Variants in DPP10 observed in about 807,000 individuals in gnomAD.
The protein encoded by DPP10 is inactive dipeptidyl peptidase 10.
DPP10 carries 33 observed loss-of-function variants against 120.9 expected under a neutral mutation model. The observed-to-expected ratio is 0.27, with a 90% confidence interval of 0.21 to 0.37. DPP10 has a LOEUF of 0.37. Ranked by LOEUF, DPP10 falls within the 10% of genes least tolerant of loss-of-function variation. The pLI is 1.00. For synonymous variants in DPP10, 337 were observed against 326.1 expected (o/e 1.03, Z -0.36); for missense variants, 816 against 942.8 (o/e 0.87, Z 1.76).
intron 1 of DPP10, among the ~76,000 whole-genome samples, chr2:115,138,285 T>C (rs1194427932): frequency 6.6e-6 from 1 of 152,144 alleles, no homozygotes; most frequent in African/African-American, 2.4e-5. Flanking sequence ...TCATAGATTA[T>C]TTGGTGATAC....
intron 2 of DPP10, among the ~76,000 whole-genome samples, chr2:115,328,215 G>A (rs1488668601): frequency 6.6e-6 from 1 of 152,032 alleles, no homozygotes; most frequent in African/African-American, 2.4e-5. Context: ...GTGTATGTGT[G>A]TACACATGTG....
At chr2:115,452,539 G>C (rs708655) in intron 3 of DPP10, among the ~76,000 whole-genome samples, 125,660 of 151,842 alleles carry the variant, frequency 0.83, 55,036 homozygotes, top group Non-Finnish European at 0.97. Flanking sequence ...CCTGTATTCT[G>C]AGAGATGAAA....
intron 1 of DPP10, among the ~76,000 whole-genome samples, chr2:114,980,140 G>A (rs777458962): frequency 8.6e-5 from 13 of 152,034 alleles, no homozygotes; most frequent in Non-Finnish European, 1.8e-4. Context: ...TTGTTTACAA[G>A]CAGGATGTAC....
At chr2:115,441,535 A>G (rs2072044290) in intron 3 of DPP10, among the ~76,000 whole-genome samples, 1 of 152,112 alleles carries the variant, frequency 6.6e-6, no homozygotes, top group African/African-American at 2.4e-5. Context: ...GTAAATGATT[A>G]TTGTGTTTAT....
At chr2:115,510,035 C>A (rs926241420) in intron 4 of DPP10, among the ~76,000 whole-genome samples, 1 of 151,828 alleles carries the variant, frequency 6.6e-6, no homozygotes, top group Non-Finnish European at 1.5e-5. Context: ...AATTCTTTGC[C>A]CATTTTTTAT....
intron 1 of DPP10, among the ~76,000 whole-genome samples, chr2:114,494,121 A>AC (rs1553450294): frequency 2.0e-5 from 3 of 147,476 alleles, no homozygotes; most frequent in African/African-American, 5.2e-5. Context: ...AAAAAAAAAA[A>AC]CCCAGCAAAT....
chr2:115,541,332 C>G (rs1251673184), intron 5 of DPP10, among the ~76,000 whole-genome samples: 1 of 151,678 alleles, frequency 6.6e-6, no homozygotes. Flanking sequence ...CATCCTTGCC[C>G]TTAAAACTGT....
At chr2:115,348,064 A>G (rs1233952646) in intron 3 of DPP10, among the ~76,000 whole-genome samples, 1 of 152,102 alleles carries the variant, frequency 6.6e-6, no homozygotes, top group Non-Finnish European at 1.5e-5. Flanking sequence ...GCAGAGAGGT[A>G]GGAGACAGGA....
chr2:114,802,743 A>G (rs1235436688), intron 1 of DPP10, among the ~76,000 whole-genome samples: 2 of 152,212 alleles, frequency 1.3e-5, no homozygotes, highest in African/African-American at 4.8e-5. Flanking sequence ...ACATTAAATC[A>G]TTATGCTCTC....
At chr2:115,079,547 TG>T (rs1708093778) in intron 1 of DPP10, among the ~76,000 whole-genome samples, 1 of 151,906 alleles carries the variant, frequency 6.6e-6, no homozygotes, top group African/African-American at 2.4e-5. Flanking sequence ...AGGGGAGTGT[TG>T]TGTGGATTGA....
At chr2:114,914,939 G>T (rs1045476897) in intron 1 of DPP10, among the ~76,000 whole-genome samples, 2 of 152,048 alleles carry the variant, frequency 1.3e-5, no homozygotes, top group Non-Finnish European at 2.9e-5. Context: ...AGACCATCCC[G>T]GCTAAAACGG....
At chr2:115,073,955 G>T (rs1175103144) in intron 1 of DPP10, among the ~76,000 whole-genome samples, 1 of 152,190 alleles carries the variant, frequency 6.6e-6, no homozygotes, top group African/African-American at 2.4e-5. Flanking sequence ...CTATTTGGCT[G>T]TATCTCTGTA....
chr2:115,633,886 T>C (rs145713444), intron 5 of DPP10, among the ~76,000 whole-genome samples: 3 of 152,324 alleles, frequency 2.0e-5, no homozygotes, highest in African/African-American at 7.2e-5. Context: ...TTTTACAACT[T>C]GGTTTCATTC....
chr2:115,778,429 C>CA (rs576578327), intron 15 of DPP10, among the ~76,000 whole-genome samples: 212 of 151,988 alleles, frequency 1.4e-3, no homozygotes, highest in Non-Finnish European at 2.4e-3. Context: ...AAACTATACT[C>CA]AAAAAAAGGC....
At chr2:114,654,357 A>C (rs1416742411) in intron 1 of DPP10, among the ~76,000 whole-genome samples, 1 of 152,188 alleles carries the variant, frequency 6.6e-6, no homozygotes, top group Non-Finnish European at 1.5e-5. Flanking sequence ...AAGAAGGAAA[A>C]CCTACTGGCT....
At chr2:115,387,008 T>C (rs981066021) in intron 3 of DPP10, among the ~76,000 whole-genome samples, 4 of 152,142 alleles carry the variant, frequency 2.6e-5, no homozygotes, top group Non-Finnish European at 4.4e-5. Context: ...TCTTAAGATA[T>C]GTCAGTATGT....
At chr2:115,808,443 C>T (rs7595782) in intron 19 of DPP10, among the ~76,000 whole-genome samples, 2,775 of 152,214 alleles carry the variant, frequency 0.018, 86 homozygotes, top group African/African-American at 0.061. Context: ...GGTGTAAGGT[C>T]AAGTCCCAAA....
chr2:115,102,395 T>TTTGTTTG (rs2048733415), intron 1 of DPP10, among the ~76,000 whole-genome samples: 1 of 150,788 alleles, frequency 6.6e-6, no homozygotes, highest in African/African-American at 2.5e-5. Context: ...GGGAGGGGTT[T>TTTGTTTG]TTTGTTTGTT....
intron 1 of DPP10, among the ~76,000 whole-genome samples, chr2:114,890,759 A>G (rs968554347): frequency 1.3e-5 from 2 of 152,220 alleles, no homozygotes; most frequent in African/African-American, 4.8e-5. Flanking sequence ...CGATATCTTC[A>G]TCTATCCTAT....
Sources: allele counts gnomAD v4.1 joint callset (sites outside exome capture counted in the v4.1 genomes callset), GRCh38; gene constraint gnomAD v4.1.1; transcripts MANE v1.5; gene names NCBI Gene and HGNC (gene_info 2026-07-23, HGNC 2026-07-21).